RP1: variants seen among roughly 807,000 people sequenced by gnomAD.
RP1 encodes the protein oxygen-regulated protein 1.
Under a neutral mutation model 14.8 loss-of-function variants are expected in RP1, and 16 were observed. The observed-to-expected ratio is 1.08, with a 90% CI of 0.73 to 1.65. The LOEUF (loss-of-function observed/expected upper bound fraction) is 1.65, where lower values mean the gene tolerates loss of function less well. Among genes scored for constraint, RP1 ranks in the 40% most tolerant of loss-of-function variants. RP1 has a pLI of 0.00. For missense variants in RP1, 2,631 were observed against 2,535.0 expected (o/e 1.04, Z -0.81); for synonymous variants, 876 against 883.6 (o/e 0.99, Z 0.15).
chr8:54,601,291 A>AT (rs11399536), intron 1 of RP1, among the ~76,000 whole-genome samples: 13,419 of 152,046 alleles, frequency 0.088, 1,888 homozygotes, highest in African/African-American at 0.3. Context: ...TGGATATGTA[A>AT]TTTTTTTTGA....
rs139776202 is a variant in RP1, at chr8:54,628,743, A to G, written c.4861A>G (p.Lys1621Glu). The G allele has an allele frequency of 1.5e-5, 25 of 1,613,968 alleles. No homozygotes were observed. In the African/African-American group the frequency reaches 2.9e-4, roughly 19 times the overall value. Residue 1621 changes from lysine (K) to glutamate (E), a missense_variant, in exon 4 of 4, where the codon AAA becomes GAA. Coordinates refer to ENST00000220676, the MANE Select transcript of RP1 (RefSeq NM_006269.2). ...PNDSGELTQE[K>E]EYNIGFVKRA... The stretch of plus-strand genomic sequence containing the variant: ...TGACAGTGGCGAACTTACCCAAGAG[A>G]AAGAATATAACATAGGATTTGTTAA...
intron 24 of RP1, among the ~76,000 whole-genome samples, chr8:54,788,599 G>A (rs1204108950): frequency 6.6e-6 from 1 of 152,090 alleles, no homozygotes; most frequent in Non-Finnish European, 1.5e-5. Flanking sequence ...CCTGTGGATG[G>A]CAGATCCTAG....
At chr8:54,679,510 A>T (rs1163969659) in intron 10 of RP1, 1 of 1,535,830 alleles carries the variant, frequency 6.5e-7, no homozygotes, top group East Asian at 2.4e-5. Context: ...GGTATCATGT[A>T]TACACATTTC....
chr8:54,731,233 T>C (rs915497449), intron 17 of RP1, among the ~76,000 whole-genome samples: 1 of 152,132 alleles, frequency 6.6e-6, no homozygotes, highest in African/African-American at 2.4e-5. Context: ...TAGATTAACA[T>C]TTTTTGTTTT....
At chr8:54,824,133 GT>G (rs71254594) in intron 24 of RP1, among the ~76,000 whole-genome samples, 74 of 149,306 alleles carry the variant, frequency 5.0e-4, no homozygotes, top group Non-Finnish European at 6.4e-4. Context: ...TTGTTTGTGT[GT>G]TTTTTTTTTA....
rs1805901267 is a variant in RP1 at position 54,622,184 on chromosome 8, A to T, written c.683A>T (p.Lys228Ile). 1.2e-6 allele frequency: 2 copies of T among 1,614,220 alleles called. No homozygotes were observed. Among genetic ancestry groups the T allele is most frequent in the Non-Finnish European group, 1.7e-6 (2 of 1,180,038 alleles). The part of the protein sequence containing the change: ...AVVAAGREPF[K>I]PGNYDIQKYL... ...GTGGCGGCAGGAAGGGAGCCATTTA[A>T]ACCAGGAAATTATGACATCCAAAAA... Residue 228 changes from lysine (K) to isoleucine (I), a missense_variant, in exon 3 of 4, where the codon AAA becomes ATA. Transcript: ENST00000220676.
chr8:54,770,062 C>T (rs1000122607), downstream of RP1: 15 of 446,596 alleles, frequency 3.4e-5, no homozygotes, highest in Non-Finnish European at 5.9e-5. Context: ...TTCTTCTTTT[C>T]CCACTTACAA....
intron 24 of RP1, among the ~76,000 whole-genome samples, chr8:54,818,734 T>A (rs1811190095): frequency 1.3e-5 from 2 of 152,184 alleles, no homozygotes; most frequent in Admixed American, 6.5e-5. Context: ...GTGGATCTAC[T>A]TTGAGAGGTG....
intron 24 of RP1, among the ~76,000 whole-genome samples, chr8:54,790,438 T>A (rs10111718): frequency 5.9e-4 from 89 of 151,972 alleles, no homozygotes; most frequent in African/African-American, 2.1e-3. Flanking sequence ...ACAAAGAAGT[T>A]GTGGTAACAT....
In RP1 at chr8:54,652,868, T is replaced by C; in HGVS notation, c.1038+2T>C. ...TCCCCTTCCTGGCACTGCAAGGAGG[T>C]AAGGATATATCAACACTTTCCCATT... On this transcript the variant is annotated splice_donor_variant, in intron 5 of 22. Coordinates refer to the RP1 transcript ENST00000636932. LOFTEE classifies it high-confidence loss of function. The C allele has an allele frequency of 6.5e-7, 1 of 1,528,124 alleles. No homozygotes were observed. The allele number at this position is 1,528,124 out of a possible 1,614,324, so 94.7% of individuals were successfully genotyped here.
At chr8:54,788,343 A>G (rs1810377003) in intron 24 of RP1, among the ~76,000 whole-genome samples, 1 of 152,222 alleles carries the variant, frequency 6.6e-6, no homozygotes, top group Admixed American at 6.5e-5. Flanking sequence ...ATGTGGGCCT[A>G]CAAACTATTA....
chr8:54,803,473 C>G (rs1210693946), intron 24 of RP1, among the ~76,000 whole-genome samples: 1 of 152,090 alleles, frequency 6.6e-6, no homozygotes, highest in Non-Finnish European at 1.5e-5. Flanking sequence ...GAAGACTCCC[C>G]TAAGAAAACC....
intron 25 of RP1, among the ~76,000 whole-genome samples, chr8:54,839,644 C>A (rs561662422): frequency 1.3e-5 from 2 of 152,266 alleles, no homozygotes; most frequent in East Asian, 3.9e-4. Flanking sequence ...ATTTCCTCAA[C>A]AATTACCAGA....
At chr8:54,590,643 G>C (rs755414322) in intron 1 of RP1, among the ~76,000 whole-genome samples, 7 of 152,070 alleles carry the variant, frequency 4.6e-5, no homozygotes, top group Non-Finnish European at 8.8e-5. Context: ...CTTCTCTTTC[G>C]TTTTTAAATT....
rs757988506 is a variant in RP1 at position 54,624,818 on chromosome 8, A to G, written c.936A>G (p.Ile312Met). 7.4e-6 allele frequency: 12 copies of G among 1,613,942 alleles called. No individual in the cohort carries two copies. Among genetic ancestry groups the G allele is most frequent in the Non-Finnish European group, 1.0e-5 (12 of 1,179,936 alleles). ...LEKNDSQNLP[I>M]YPSEDDIEKS... ...AGAATGATTCTCAGAATTTACCAATATATCCTTCTGAAGATGATATTGAGA... is the reference window on the plus strand; with the variant it reads ...AGAATGATTCTCAGAATTTACCAATGTATCCTTCTGAAGATGATATTGAGA... Residue 312 changes from isoleucine to methionine, a missense_variant, in exon 4 of 4, where the codon ATA (isoleucine) becomes ATG (methionine). Transcript: ENST00000220676.
intron 4 of RP1, among the ~76,000 whole-genome samples, chr8:54,650,929 A>G (rs1472562519): frequency 3.3e-5 from 5 of 151,156 alleles, no homozygotes; most frequent in Non-Finnish European, 5.9e-5. Flanking sequence ...AGTGCCCTTT[A>G]TCATGTTCAG....
At chr8:54,659,308 T>C (rs765161323) in intron 6 of RP1, among the ~76,000 whole-genome samples, 14 of 152,230 alleles carry the variant, frequency 9.2e-5, no homozygotes, top group Admixed American at 7.9e-4. Flanking sequence ...AAATTTGATA[T>C]CCTGAAGGTT....
In RP1 at chr8:54,704,279, G is replaced by A. The variant is rs78290149; in HGVS notation, c.1999-2164G>A. On this transcript the variant is annotated intron_variant, in intron 14 of 22. Coordinates refer to the RP1 transcript ENST00000636932. ...ATTTGAACACTTAGAGGCCATTATA[G>A]GGTTATTGATTAGACTAATTTCAAT... 4.4e-3 allele frequency among the ~76,000 whole-genome samples: 668 copies of A among 152,254 alleles called. 2 individuals are homozygous for A. The highest frequency in any genetic ancestry group is 6.3e-3 in the Non-Finnish European group (431 of 68,006).
upstream of RP1, among the ~76,000 whole-genome samples, chr8:54,614,551 T>G (rs1805669643): frequency 6.6e-6 from 1 of 152,108 alleles, no homozygotes; most frequent in Non-Finnish European, 1.5e-5. Flanking sequence ...AGATACACAC[T>G]GATATGTGCC....
Sources: gnomAD v4.1 joint callset for allele counts (sites outside exome capture counted in the v4.1 genomes callset) on GRCh38, gnomAD v4.1.1 for gene constraint, MANE v1.5 for transcripts, NCBI Gene and HGNC (gene_info 2026-07-23, HGNC 2026-07-21) for gene names.